Variants in TNR observed in about 807,000 individuals in gnomAD.
TNR encodes the protein tenascin R.
TNR carries 45 observed loss-of-function variants against 150.4 expected under a neutral mutation model. The ratio of observed to expected loss-of-function variants is 0.30; its 90% CI spans 0.24 to 0.38. The LOEUF (loss-of-function observed/expected upper bound fraction) is 0.38. Among genes scored for constraint, TNR ranks in the 10% least tolerant of loss-of-function variants. TNR has a pLI of 1.00. For missense variants in TNR, 1,544 were observed against 1,759.1 expected (o/e 0.88, Z 2.19); for synonymous variants, 687 against 678.4 (o/e 1.01, Z -0.20).
Position 175,330,221 on chromosome 1 carries a change from G to A in TNR, c.3646C>T (p.His1216Tyr), listed in dbSNP as rs1240616478. Residue 1216 changes from histidine (H) to tyrosine (Y), a missense_variant, in exon 21 of 23, where the codon CAC becomes TAC. Around this residue, in one of 2 missense-constraint regions of TNR, gnomAD observed 290 missense variants for 429.7 expected, o/e 0.67. Coordinates refer to ENST00000367674, the MANE Select transcript of TNR (RefSeq NM_003285.3). ...TAGCGGCCCTGGGATGTGATCCTGTGTATATTGTCCAGCCCTGTGGAGAAG... is the reference window on the plus strand; with the variant it reads ...TAGCGGCCCTGGGATGTGATCCTGTATATATTGTCCAGCCCTGTGGAGAAG... ...DEFWLGLDNI[H>Y]RITSQGRYEL... 5 of 1,598,152 alleles carry A rather than the reference G, an allele frequency of 3.1e-6. No homozygotes were observed. Among genetic ancestry groups the A allele is most frequent in the Non-Finnish European group, 4.3e-6 (5 of 1,168,462 alleles).
At chr1:175,586,149 A>G (rs983411914) in intron 1 of TNR, among the ~76,000 whole-genome samples, 4 of 152,172 alleles carry the variant, frequency 2.6e-5, no homozygotes, top group African/African-American at 9.7e-5. Context: ...GAAGCCCTCA[A>G]GGAAGAGGGA....
At chr1:175,355,066 AG>A (rs1482634865) in intron 17 of TNR, among the ~76,000 whole-genome samples, 1 of 152,232 alleles carries the variant, frequency 6.6e-6, no homozygotes, top group African/African-American at 2.4e-5. Flanking sequence ...GAGGCATAAA[AG>A]CCTATTGAAT....
At chr1:175,380,783 C>T (rs1652639297) in intron 8 of TNR, among the ~76,000 whole-genome samples, 1 of 152,198 alleles carries the variant, frequency 6.6e-6, no homozygotes, top group Non-Finnish European at 1.5e-5. Flanking sequence ...CAATAACGTG[C>T]TGCCCGGAAC....
intron 1 of TNR, among the ~76,000 whole-genome samples, chr1:175,688,430 G>A (rs1042917669): frequency 7.9e-5 from 12 of 152,196 alleles, no homozygotes; most frequent in Admixed American, 1.3e-4. Context: ...CTCTCTGCCT[G>A]GAGCAAAGCA....
intron 9 of TNR, among the ~76,000 whole-genome samples, chr1:175,373,525 A>G (rs1170928018): frequency 6.6e-6 from 1 of 152,154 alleles, no homozygotes; most frequent in Non-Finnish European, 1.5e-5. Flanking sequence ...GGTGTGCATG[A>G]TGTTCAAGTT....
Position 175,416,131 on chromosome 1 carries a change from C to T in TNR, c.-63-9354G>A, listed in dbSNP as rs528248465. 2.6e-3 allele frequency among the ~76,000 whole-genome samples: 356 copies of T among 136,094 alleles called. 3 individuals carry two copies. The highest frequency in any genetic ancestry group is 1.0e-2 in the African/African-American group (309 of 31,048). The allele number at this position is 136,094 out of a possible 152,430, so 89.3% of individuals were successfully genotyped here. ...CTTCTGACAATTATATATATATATA[C>T]ACACACACACACTATATATATAAAA... On this transcript the variant is annotated intron_variant, in intron 2 of 22. Coordinates refer to ENST00000367674, the MANE Select transcript of TNR (RefSeq NM_003285.3).
In TNR at chr1:175,573,029, C is replaced by G. The variant is rs143429257; in HGVS notation, c.-164-44660G>C. Among the ~76,000 whole-genome samples, 318 of 152,242 alleles carry G rather than the reference C, an allele frequency of 2.1e-3. 1 individual carries two copies. The highest frequency in any genetic ancestry group is 7.2e-3 in the African/African-American group (300 of 41,534). Reference sequence around the variant, plus strand: ...ACTGTTAAATATCTTGCGATTCATCCTGAAGCTAAATGCATTATATATCAT... The same window carrying G: ...ACTGTTAAATATCTTGCGATTCATCGTGAAGCTAAATGCATTATATATCAT... On this transcript the variant is annotated intron_variant, in intron 1 of 22. Transcript: ENST00000367674.
chr1:175,581,274 C>A lies in TNR; in HGVS notation c.-164-52905G>T, dbSNP rs527410470. Among the ~76,000 whole-genome samples the A allele has an allele frequency of 9.8e-4, 150 of 152,298 alleles. 2 individuals are homozygous for A. The highest frequency in any genetic ancestry group is 3.9e-3 in the Admixed American group (60 of 15,306). On this transcript the variant is annotated intron_variant, in intron 1 of 22. Coordinates refer to ENST00000367674, the MANE Select transcript of TNR (RefSeq NM_003285.3). Reference sequence around the variant, plus strand: ...GAGCAGGGGTTGCTGGATAGAATGCCATAGATGCGTCAAGAACAGCCTTCA... The same window carrying A: ...GAGCAGGGGTTGCTGGATAGAATGCAATAGATGCGTCAAGAACAGCCTTCA...
At chr1:175,359,767 G>A (rs769866678) in intron 14 of TNR, 36 bp from the exon 15 acceptor site, 2 of 1,574,734 alleles carry the variant, frequency 1.3e-6, no homozygotes, top group African/African-American at 2.7e-5. Context: ...CAGATAAGAG[G>A]AGCTGCAGGA....
chr1:175,359,797 C>A (rs1245290420), intron 14 of TNR, 66 bp from the exon 15 acceptor site: 3 of 1,538,756 alleles, frequency 1.9e-6, no homozygotes, highest in Admixed American at 2.0e-5. Flanking sequence ...AGGGAATGAT[C>A]TCAGAAGTTC....
rs151146044 is a variant in TNR at position 175,460,779 on chromosome 1, G to C, written c.-63-54002C>G. On this transcript the variant is annotated intron_variant, in intron 2 of 22. Coordinates refer to ENST00000367674, the MANE Select transcript of TNR (RefSeq NM_003285.3). ...TAGGTTTTCTGACTCTAAGGCCAGTGCTTTACTACTCAAAGTTACCTCTCT... is the reference window on the plus strand; with the variant it reads ...TAGGTTTTCTGACTCTAAGGCCAGTCCTTTACTACTCAAAGTTACCTCTCT... Among the ~76,000 whole-genome samples, 4 of 152,304 alleles carry C rather than the reference G, an allele frequency of 2.6e-5. No individual in the cohort carries two copies. The East Asian group carries it at 5.8e-4, about 22-fold the overall frequency.
At chr1:175,616,849 C>T (rs1457771543) in intron 1 of TNR, among the ~76,000 whole-genome samples, 2 of 152,228 alleles carry the variant, frequency 1.3e-5, no homozygotes, top group East Asian at 1.9e-4. Context: ...CACCAACTCC[C>T]TGTGTGGCTG....
At chr1:175,635,035 C>T (rs994688485) in intron 1 of TNR, among the ~76,000 whole-genome samples, 10 of 152,128 alleles carry the variant, frequency 6.6e-5, no homozygotes, top group African/African-American at 2.4e-4. Context: ...CAGAGGCTGG[C>T]CAGGGGCACA....
At chr1:175,714,977 A>G (rs1571782228) in intron 1 of TNR, among the ~76,000 whole-genome samples, 1 of 152,016 alleles carries the variant, frequency 6.6e-6, no homozygotes, top group Non-Finnish European at 1.5e-5. Flanking sequence ...CACAAAGCCA[A>G]CCCTTCTACT....
At chr1:175,703,819 G>A (rs72727614) in intron 1 of TNR, among the ~76,000 whole-genome samples, 1 of 152,146 alleles carries the variant, frequency 6.6e-6, no homozygotes, top group East Asian at 1.9e-4. Context: ...CAGATAAAAT[G>A]GCACAGCGTA....
chr1:175,633,300 T>C (rs547968419), intron 1 of TNR, among the ~76,000 whole-genome samples: 16 of 152,346 alleles, frequency 1.1e-4, no homozygotes, highest in African/African-American at 3.8e-4. Flanking sequence ...CTTGGTCTTA[T>C]GTTCTTTTTT....
intron 1 of TNR, among the ~76,000 whole-genome samples, chr1:175,550,013 C>T (rs189514418): frequency 6.6e-6 from 1 of 152,310 alleles, no homozygotes; most frequent in African/African-American, 2.4e-5. Context: ...AGAGAGCTAA[C>T]ACACTCTCTA....
intron 2 of TNR, among the ~76,000 whole-genome samples, chr1:175,408,389 C>G (rs1654055621): frequency 6.6e-6 from 1 of 152,190 alleles, no homozygotes. Context: ...CTGGTCTGTT[C>G]CATTTCAGTT....
At chr1:175,547,619 AACAAAGAAAGAAAG>A (rs1660757181) in intron 1 of TNR, among the ~76,000 whole-genome samples, 1 of 23,936 alleles carries the variant, frequency 4.2e-5, no homozygotes, top group African/African-American at 8.1e-5. Context: ...GAAACAAAGA[AACAAAGAAAGAAAG>A]AAAGAGAAAG....
Sources: allele counts gnomAD v4.1 joint callset (sites outside exome capture counted in the v4.1 genomes callset), GRCh38; gene constraint gnomAD v4.1.1; regional missense constraint gnomAD v4.1.1; transcripts MANE v1.5; gene names NCBI Gene and HGNC (gene_info 2026-07-23, HGNC 2026-07-21).